Variants in JAK1 observed in about 807,000 individuals in gnomAD.
JAK1 encodes the protein tyrosine-protein kinase JAK1.
Under a neutral mutation model 136.6 loss-of-function variants are expected in JAK1, and 16 were observed. The ratio of observed to expected loss-of-function variants is 0.12; its 90% CI spans 0.08 to 0.18. The LOEUF (loss-of-function observed/expected upper bound fraction) is 0.18. Among genes scored for constraint, JAK1 ranks in the 10% least tolerant of loss-of-function variants. JAK1 has a pLI of 1.00. For synonymous variants in JAK1, 492 were observed against 519.5 expected, an observed-to-expected ratio of 0.95 and a Z score of 0.72; for missense variants, 859 against 1,450.1, an observed-to-expected ratio of 0.59 and a Z score of 6.62.
chr1:64,987,280 G>A (rs1191933000), intron 2 of JAK1: 1 of 152,166 alleles, frequency 6.6e-6, no homozygotes, highest in Non-Finnish European at 1.5e-5. Context: ...CAGGCTGTGA[G>A]TTTATGGACA....
intron 1 of JAK1, among the ~76,000 whole-genome samples, chr1:65,064,367 C>A (rs534056884): frequency 6.6e-5 from 10 of 152,284 alleles, no homozygotes; most frequent in South Asian, 6.2e-4. Context: ...TAAACCCGAA[C>A]CAGAGTAAAA....
intron 1 of JAK1, among the ~76,000 whole-genome samples, chr1:64,901,035 C>T (rs1176878548): frequency 2.0e-5 from 3 of 152,212 alleles, no homozygotes; most frequent in Non-Finnish European, 4.4e-5. Context: ...GTAGCACTTA[C>T]ATCCTGCTCC....
chr1:64,965,081 T>C (rs1646348235), intron 1 of JAK1, among the ~76,000 whole-genome samples: 1 of 152,152 alleles, frequency 6.6e-6, no homozygotes. Context: ...CTACTGTGCC[T>C]ATACCCATAT....
At chr1:64,876,881 T>C (rs1302825339) in intron 4 of JAK1, among the ~76,000 whole-genome samples, 3 of 152,216 alleles carry the variant, frequency 2.0e-5, no homozygotes, top group Non-Finnish European at 4.4e-5. Flanking sequence ...GAAAATTATG[T>C]ACAGATAACT....
intron 1 of JAK1, among the ~76,000 whole-genome samples, chr1:64,928,471 T>C (rs1299443466): frequency 1.3e-5 from 2 of 152,184 alleles, no homozygotes; most frequent in Non-Finnish European, 2.9e-5. Context: ...AGTGCATTCA[T>C]GTGCCTACAC....
At chr1:64,836,634 C>T (rs746519251) in intron 22 of JAK1, among the ~76,000 whole-genome samples, 10 of 152,086 alleles carry the variant, frequency 6.6e-5, no homozygotes, top group African/African-American at 2.2e-4. Context: ...TGAATGACAC[C>T]CACTTGCCCA....
chr1:65,013,333 T>C (rs1569877590), intron 2 of JAK1, among the ~76,000 whole-genome samples: 1 of 149,962 alleles, frequency 6.7e-6, no homozygotes, highest in Non-Finnish European at 1.5e-5. Flanking sequence ...GAGGCGGAGG[T>C]TGCGGTGAGC....
At chr1:64,985,085 T>A (rs996838529) in intron 2 of JAK1, 4 of 936,944 alleles carry the variant, frequency 4.3e-6, no homozygotes, top group Non-Finnish European at 7.1e-6. Context: ...CTCCAAGGCC[T>A]ATCATATGTA....
rs1318386125 is a variant in JAK1 at position 64,962,577 on chromosome 1, TACTC to T, written c.-78+3752_-78+3755del. Among the ~76,000 whole-genome samples the T allele has an allele frequency of 3.3e-5, 5 of 152,318 alleles. No individual in the cohort carries two copies. In the East Asian group the frequency reaches 9.7e-4, roughly 29 times the overall value. ...GGCTGGTGCACCTCAGAGGAAAGAA[TACTC>T]ACAGGAATTAGTTTCCGGTCCCTGA... On this transcript the variant is annotated intron_variant, in intron 1 of 24. Transcript: ENST00000342505.
chr1:64,960,272 T>C (rs913046852), intron 1 of JAK1, among the ~76,000 whole-genome samples: 2 of 152,232 alleles, frequency 1.3e-5, no homozygotes, highest in Non-Finnish European at 2.9e-5. Flanking sequence ...TTTCAGCTCA[T>C]GCTGGCATCA....
intron 1 of JAK1, among the ~76,000 whole-genome samples, chr1:65,049,825 G>A (rs1252550708): frequency 6.6e-6 from 1 of 152,122 alleles, no homozygotes; most frequent in Non-Finnish European, 1.5e-5. Flanking sequence ...TGCAAGCCCT[G>A]GGCATAGGGA....
chr1:65,063,822 A>G (rs1212017467), intron 1 of JAK1, among the ~76,000 whole-genome samples: 1 of 151,134 alleles, frequency 6.6e-6, no homozygotes, highest in African/African-American at 2.4e-5. Flanking sequence ...AAAAAAAAAA[A>G]AGAAAGAAAA....
intron 1 of JAK1, among the ~76,000 whole-genome samples, chr1:64,955,747 A>C (rs1367610942): frequency 6.6e-6 from 1 of 152,232 alleles, no homozygotes; most frequent in Non-Finnish European, 1.5e-5. Flanking sequence ...GCAATGATAG[A>C]TCACCCAGGT....
At chr1:65,063,752 C>G (rs1484877140) in intron 1 of JAK1, among the ~76,000 whole-genome samples, 1 of 147,758 alleles carries the variant, frequency 6.8e-6, no homozygotes, top group Non-Finnish European at 1.5e-5. Context: ...TTGCAGTGAG[C>G]CAAGATCGCG....
chr1:65,059,916 T>C (rs1301517269), intron 1 of JAK1, among the ~76,000 whole-genome samples: 1 of 152,102 alleles, frequency 6.6e-6, no homozygotes, highest in African/African-American at 2.4e-5. Flanking sequence ...AGTCAGAAAA[T>C]AAAAGTACAG....
At chr1:64,960,940 A>G (rs1478717566) in intron 1 of JAK1, among the ~76,000 whole-genome samples, 1 of 152,218 alleles carries the variant, frequency 6.6e-6, no homozygotes, top group Non-Finnish European at 1.5e-5. Context: ...TAGCTTGTTG[A>G]CAATGGTGTT....
chr1:64,957,051 C>G (rs142473182), intron 1 of JAK1, among the ~76,000 whole-genome samples: 1 of 152,114 alleles, frequency 6.6e-6, no homozygotes, highest in Admixed American at 6.5e-5. Context: ...AATGTGACAG[C>G]AAGAAGGTCA....
intron 1 of JAK1, among the ~76,000 whole-genome samples, chr1:64,941,422 T>C (rs1645887814): frequency 6.6e-6 from 1 of 152,190 alleles, no homozygotes; most frequent in Non-Finnish European, 1.5e-5. Flanking sequence ...ACTTATCCAG[T>C]TATTATTCTG....
At position 64,989,002 on chromosome 1, in the gene JAK1, G is replaced by GTGTATATATA. The variant is rs545656432; in HGVS notation, c.-78+55477_-78+55478insTATATATACA. On this transcript the variant is annotated intron_variant, in intron 2 of 25. Transcript: ENST00000671954. ...TGTATATGTGTGTGTGTGTGTGTGTGTATATATATATATATATATATATAT... is the reference window on the plus strand; with the variant it reads ...TGTATATGTGTGTGTGTGTGTGTGTGTGTATATATATATATATATATATATATATATATAT... Among the ~76,000 whole-genome samples, 44 of 129,210 alleles carry GTGTATATATA rather than the reference G, an allele frequency of 3.4e-4. 1 individual carries two copies. Among genetic ancestry groups the GTGTATATATA allele is most frequent in the African/African-American group, 6.8e-4 (24 of 35,194 alleles). 84.8% of individuals were successfully genotyped at this position (129,210 alleles called of 152,430 possible).
Sources: gnomAD v4.1 joint callset for allele counts (sites outside exome capture counted in the v4.1 genomes callset) on GRCh38, gnomAD v4.1.1 for gene constraint, MANE v1.5 for transcripts, NCBI Gene and HGNC (gene_info 2026-07-23, HGNC 2026-07-21) for gene names.